Variants in ARID1B observed in about 807,000 individuals in gnomAD.
ARID1B encodes AT-rich interaction domain 1B.
ARID1B carries 30 observed loss-of-function variants against 212.3 expected under a neutral mutation model. The ratio of observed to expected loss-of-function variants is 0.14; its 90% confidence interval spans 0.11 to 0.19. The LOEUF (loss-of-function observed/expected upper bound fraction) is 0.19. Ranked by LOEUF, ARID1B falls within the 10% of genes least tolerant of loss-of-function variation. ARID1B has a pLI of 1.00. For synonymous variants in ARID1B, 1,402 were observed against 1,301.7 expected, an observed-to-expected ratio of 1.08 and a Z score of -1.66; for missense variants, 2,891 against 3,204.0, an observed-to-expected ratio of 0.90 and a Z score of 2.36.
At chr6:156,964,517 G>T (rs976751123) in intron 4 of ARID1B, among the ~76,000 whole-genome samples, 2 of 152,152 alleles carry the variant, frequency 1.3e-5, no homozygotes, top group African/African-American at 4.8e-5. Flanking sequence ...ATCAGGATAG[G>T]ATTATTTGAG....
intron 4 of ARID1B, among the ~76,000 whole-genome samples, chr6:157,056,543 G>A (rs142598867): frequency 1.3e-5 from 2 of 152,286 alleles, no homozygotes; most frequent in Non-Finnish European, 2.9e-5. Flanking sequence ...GATGTGCTGC[G>A]TTTCTGTTTT....
rs138767338 is a variant in ARID1B, at chr6:156,855,853, G to C, written c.1986+26432G>C. ...AGGAACCAGATGGCTACTCTTAGAG[G>C]ATCCTCAGGGATGCTATCATACTTT... On this transcript the variant is annotated intron_variant, in intron 2 of 19. Transcript: ENST00000636930. Among the ~76,000 whole-genome samples, 494 of 152,316 alleles carry C rather than the reference G, an allele frequency of 3.2e-3. 2 individuals are homozygous for C. Among genetic ancestry groups the C allele is most frequent in the African/African-American group, 0.011 (470 of 41,570 alleles).
In ARID1B at chr6:157,206,146, T is replaced by TCTC. The variant is rs768626171; in HGVS notation, c.5395-8_5395-6dup. On this transcript the variant is annotated intron_variant, in intron 19 of 19. Transcript: ENST00000636930. The surrounding 1 kb of genome is among the most constrained non-coding windows in gnomAD (Gnocchi z 6.8). Reference sequence around the variant, plus strand: ...GACATTGTACCTGTTCTTTCTTTCTTCTCCTCCTCCTCCTCTCCAGTTGTC... The same window carrying TCTC: ...GACATTGTACCTGTTCTTTCTTTCTTCTCCTCCTCCTCCTCCTCTCCAGTTGTC... 30 of 1,610,580 alleles carry TCTC rather than the reference T, an allele frequency of 1.9e-5. No homozygotes were observed. Among genetic ancestry groups the TCTC allele is most frequent in the South Asian group, 2.2e-5 (2 of 90,708 alleles).
At chr6:157,046,072 A>G (rs6925582) in intron 4 of ARID1B, among the ~76,000 whole-genome samples, 7,759 of 152,244 alleles carry the variant, frequency 0.051, 342 homozygotes, top group African/African-American at 0.12. Flanking sequence ...TACATGTTTG[A>G]GTTTAAAACA....
At chr6:156,879,789 G>A (rs6557511) in intron 2 of ARID1B, among the ~76,000 whole-genome samples, 42,811 of 152,108 alleles carry the variant, frequency 0.28, 6,198 homozygotes, top group Non-Finnish European at 0.33. Flanking sequence ...GTATATATGT[G>A]CAGCGTGCGC....
intron 16 of ARID1B, 118 bp from the exon 17 acceptor site, chr6:157,198,693 G>A (rs940111923): frequency 4.0e-5 from 30 of 755,074 alleles, no homozygotes; most frequent in Middle Eastern, 5.1e-4. Flanking sequence ...GGAGGGGTGC[G>A]CAGTAAAAGC....
At chr6:156,954,148 T>C (rs183182596) in intron 4 of ARID1B, among the ~76,000 whole-genome samples, 1 of 152,138 alleles carries the variant, frequency 6.6e-6, no homozygotes, top group East Asian at 1.9e-4. Context: ...TTGGACAATT[T>C]CAGAGGAGAC....
chr6:156,871,423 C>T (rs1786117698), intron 2 of ARID1B, among the ~76,000 whole-genome samples: 2 of 152,156 alleles, frequency 1.3e-5, no homozygotes, highest in Admixed American at 1.3e-4. Context: ...GAAATCAGAT[C>T]CCATGGATAA....
At chr6:156,987,380 G>C (rs1351696753) in intron 4 of ARID1B, among the ~76,000 whole-genome samples, 1 of 150,876 alleles carries the variant, frequency 6.6e-6, no homozygotes, top group Non-Finnish European at 1.5e-5. Context: ...TCCCAGGCTG[G>C]AGTGCAGTGG....
At position 157,207,318 on chromosome 6, in the gene ARID1B, G is replaced by A. The variant is rs776483400; in HGVS notation, c.6546G>A (p.Pro2182=). 3.3e-5 allele frequency: 54 copies of A among 1,613,890 alleles called. No homozygotes were observed. Among genetic ancestry groups the A allele is most frequent in the African/African-American group, 9.3e-5 (7 of 74,910 alleles). The change falls in exon 20 of 20, where the codon CCG becomes CCA. Residue 2182 remains proline, a synonymous_variant. Coordinates refer to ENST00000636930, the MANE Select transcript of ARID1B (RefSeq NM_001374828.1). This position sits in a 1 kb window ranked among gnomAD's most constrained non-coding sequence, Gnocchi z 8.5. ...LDGLLHWMVC[P]SAEAQDPFPT... Reference sequence around the variant, plus strand: ...GCTTGCTGCACTGGATGGTGTGCCCGTCTGCAGAGGCACAAGATCCCTTTC... The same window carrying A: ...GCTTGCTGCACTGGATGGTGTGCCCATCTGCAGAGGCACAAGATCCCTTTC...
At chr6:157,185,678 G>A (rs1016911045) in intron 13 of ARID1B, 2 of 152,204 alleles carry the variant, frequency 1.3e-5, no homozygotes, top group Non-Finnish European at 2.9e-5. Context: ...TTTGTAATAT[G>A]TGAAATGTTT....
At chr6:157,003,376 A>G (rs1779018404) in intron 4 of ARID1B, among the ~76,000 whole-genome samples, 1 of 152,194 alleles carries the variant, frequency 6.6e-6, no homozygotes, top group Non-Finnish European at 1.5e-5. Context: ...CGTACTGTAC[A>G]TCCCGGACAG....
intron 4 of ARID1B, among the ~76,000 whole-genome samples, chr6:157,026,214 A>G (rs962407548): frequency 2.6e-5 from 4 of 152,086 alleles, no homozygotes; most frequent in Non-Finnish European, 5.9e-5. Context: ...CGCCAGGCCT[A>G]TTTTTAAAAA....
At chr6:157,181,804 T>C (rs1473720971) in intron 12 of ARID1B, among the ~76,000 whole-genome samples, 1 of 152,196 alleles carries the variant, frequency 6.6e-6, no homozygotes, top group Non-Finnish European at 1.5e-5. Flanking sequence ...CTTTCCTCAC[T>C]GTAGCCCTCG....
intron 4 of ARID1B, among the ~76,000 whole-genome samples, chr6:157,059,882 G>A (rs888167292): frequency 6.6e-6 from 1 of 152,180 alleles, no homozygotes; most frequent in Non-Finnish European, 1.5e-5. Context: ...AGAACAAGGA[G>A]GGGAAAAATT....
At chr6:157,154,753 A>G (rs1235463478) in intron 8 of ARID1B, among the ~76,000 whole-genome samples, 4 of 148,540 alleles carry the variant, frequency 2.7e-5, no homozygotes, top group Non-Finnish European at 6.0e-5. Flanking sequence ...TAATTTTTGT[A>G]TTTTTTTTTA....
intron 4 of ARID1B, among the ~76,000 whole-genome samples, chr6:157,043,030 A>G (rs368780862): frequency 1.3e-5 from 2 of 152,226 alleles, no homozygotes; most frequent in South Asian, 2.1e-4. Flanking sequence ...ATTTATTACT[A>G]TAAAAGAGAA....
intron 4 of ARID1B, among the ~76,000 whole-genome samples, chr6:157,000,411 A>G (rs1778841051): frequency 1.3e-5 from 2 of 152,236 alleles, no homozygotes; most frequent in Admixed American, 1.3e-4. Context: ...GGGATGTGAG[A>G]ACAGTAAAGT....
rs1778942165 is a variant in ARID1B, at chr6:156,778,956, G to T, written c.1276G>T (p.Ala426Ser). 1 of 1,287,966 alleles carries T rather than the reference G, an allele frequency of 7.8e-7. No homozygotes were observed. The allele number at this position is 1,287,966 out of a possible 1,614,324, so 79.8% of individuals were successfully genotyped here. A position where few individuals can be genotyped will look rare whatever the true frequency, so the allele number is the denominator to read the frequency against. The change falls in exon 1 of 20, where the codon GCC (alanine) becomes TCC (serine). Residue 426 changes from alanine to serine, a missense_variant. Around this residue, in one of 7 missense-constraint regions of ARID1B, gnomAD observed 1,643 missense variants for 1,544.0 expected, o/e 1.06. Transcript: ENST00000636930. ...AGGAGCGGGAGCTGTGGCGGCGGCG[G>T]CCGCGGCGGCGGCGGCAGCAGCAGG... is the stretch of plus-strand genomic sequence containing the variant. ...GAGAGAVAAA[A>S]AAAAAAAGGG...
Sources: allele counts gnomAD v4.1 joint callset (sites outside exome capture counted in the v4.1 genomes callset), GRCh38; gene constraint gnomAD v4.1.1; regional missense constraint gnomAD v4.1.1; non-coding constraint Gnocchi (gnomAD v3.1); transcripts MANE v1.5; gene names NCBI Gene and HGNC (gene_info 2026-07-23, HGNC 2026-07-21).